Variants in MOB1A observed in about 807,000 individuals in gnomAD.
MOB1A encodes the protein MOB kinase activator 1A, also known as MOB1 Mps One Binder homolog A.
In MOB1A, 10 loss-of-function variants were observed where a neutral mutation model predicts 25.1. That is an observed-to-expected ratio of 0.40 (90% CI 0.25 to 0.68). The LOEUF (loss-of-function observed/expected upper bound fraction) is 0.68. Ranked by LOEUF, MOB1A falls within the 30% of genes least tolerant of loss-of-function variation. The pLI is 0.40. For synonymous variants in MOB1A, 81 were observed against 79.5 expected (o/e 1.02, Z -0.10); for missense variants, 177 against 256.3 (o/e 0.69, Z 2.11).
chr2:74,166,925 C>A, intron 3 of MOB1A, 89 bp downstream of exon 3: 1 of 939,430 alleles, frequency 1.1e-6, no homozygotes, highest in Non-Finnish European at 1.7e-6. Context: ...TTCACACAAA[C>A]GGATAACAAA....
At chr2:74,168,090 G>A (rs2103722586) in intron 2 of MOB1A, among the ~76,000 whole-genome samples, 1 of 152,350 alleles carries the variant, frequency 6.6e-6, no homozygotes, top group South Asian at 2.1e-4. Flanking sequence ...CGTGAGCTGT[G>A]ATGGTGCTAC....
chr2:74,160,568 G>A (rs1692938574), intron 4 of MOB1A, among the ~76,000 whole-genome samples: 1 of 151,838 alleles, frequency 6.6e-6, no homozygotes, highest in Non-Finnish European at 1.5e-5. Flanking sequence ...AGGGGTGGTG[G>A]CAGGCAACTG....
At chr2:74,169,053 T>C (rs1693209835) in intron 2 of MOB1A, among the ~76,000 whole-genome samples, 1 of 152,200 alleles carries the variant, frequency 6.6e-6, no homozygotes, top group Non-Finnish European at 1.5e-5. Context: ...GAAACGGATA[T>C]AAGAATCCAG....
In MOB1A at chr2:74,154,439, A is replaced by C. The variant is rs918033626; in HGVS notation, c.*2129T>G. The stretch of plus-strand genomic sequence containing the variant: ...AAAAAGGACAGTCTTGAGTCTCAAA[A>C]TACCAACACATCTCTGATTTATGTC... On this transcript the variant is annotated 3_prime_UTR_variant, in exon 6 of 6. Coordinates refer to ENST00000396049, the MANE Select transcript of MOB1A (RefSeq NM_018221.5). The C allele has an allele frequency of 1.3e-5, 2 of 152,212 alleles. No homozygotes were observed. The highest frequency in any genetic ancestry group is 6.5e-5 in the Admixed American group (1 of 15,276). 9.4% of individuals were successfully genotyped at this position (152,212 alleles called of 1,614,324 possible). A position where few individuals can be genotyped will look rare whatever the true frequency, so the allele number is the denominator to read the frequency against.
At chr2:74,177,026 C>T (rs1693493814) in intron 1 of MOB1A, among the ~76,000 whole-genome samples, 1 of 152,212 alleles carries the variant, frequency 6.6e-6, no homozygotes, top group South Asian at 2.1e-4. Flanking sequence ...GCGGGAACAA[C>T]TCAAGTGTCC....
rs139089861 is a variant in MOB1A, at chr2:74,162,525, T to C, written c.409+2693A>G. ...AAGAGGATAAATCAAAAGAATTATT[T>C]ACCTTCCATAAGCAGAGACTTTAAT... On this transcript the variant is annotated intron_variant, in intron 4 of 5. Coordinates refer to ENST00000396049, the MANE Select transcript of MOB1A (RefSeq NM_018221.5). Among the ~76,000 whole-genome samples, 557 of 152,218 alleles carry C rather than the reference T, an allele frequency of 3.7e-3. 2 individuals carry two copies. The highest frequency in any genetic ancestry group is 5.3e-3 in the Non-Finnish European group (363 of 68,018).
At chr2:74,174,327 C>G (rs1024733486) in intron 1 of MOB1A, among the ~76,000 whole-genome samples, 1 of 151,088 alleles carries the variant, frequency 6.6e-6, no homozygotes, top group Non-Finnish European at 1.5e-5. Flanking sequence ...CAAGTGCAGT[C>G]GCTCACACCT....
chr2:74,167,365 C>T (rs966171181), intron 2 of MOB1A, among the ~76,000 whole-genome samples: 2 of 152,282 alleles, frequency 1.3e-5, no homozygotes, highest in Non-Finnish European at 1.5e-5. Flanking sequence ...CCTGCCTCAG[C>T]CTCCCAAGTA....
intron 4 of MOB1A, chr2:74,164,947 G>T: frequency 5.1e-6 from 1 of 196,062 alleles, no homozygotes; most frequent in Admixed American, 6.0e-5. Flanking sequence ...GGGAGTACAT[G>T]TTGGTACAAA....
chr2:74,170,783 C>T (rs1015977945), intron 2 of MOB1A, among the ~76,000 whole-genome samples: 4 of 150,308 alleles, frequency 2.7e-5, no homozygotes, highest in South Asian at 2.1e-4. Context: ...CCCAGCTACT[C>T]GGACGGGTGA....
At position 74,156,477 on chromosome 2, in the gene MOB1A, A is replaced by G. The variant is rs1692810411; in HGVS notation, c.*91T>C. 1.0e-6 allele frequency: 1 copy of G among 954,078 alleles called. No individual in the cohort carries two copies. Among genetic ancestry groups the G allele is most frequent in the Non-Finnish European group, 1.6e-6 (1 of 614,350 alleles). The allele number at this position is 954,078 out of a possible 1,614,324, so 59.1% of individuals were successfully genotyped here. A position where few individuals can be genotyped will look rare whatever the true frequency, so the allele number is the denominator to read the frequency against. On this transcript the variant is annotated 3_prime_UTR_variant, in exon 6 of 6. Coordinates refer to ENST00000396049, the MANE Select transcript of MOB1A (RefSeq NM_018221.5). ...GGGTATCTTTTTATCCTGTTTTCTT[A>G]AAGTTTGTATCACTAGTCTATAACA...
intron 4 of MOB1A, 69 bp from the exon 5 acceptor site, chr2:74,159,323 A>AAAGT: frequency 2.1e-6 from 3 of 1,409,644 alleles, no homozygotes; most frequent in African/African-American, 1.4e-5. Flanking sequence ...TATTTGTGAC[A>AAAGT]GGGTCTCACT....
chr2:74,173,313 T>C, intron 1 of MOB1A: 1 of 459,384 alleles, frequency 2.2e-6, no homozygotes, highest in South Asian at 1.6e-5. Context: ...TGGATTTTAG[T>C]TCTTGATCTG....
intron 3 of MOB1A, 87 bp downstream of exon 3, chr2:74,166,927 G>C (rs1693145457): frequency 1.0e-6 from 1 of 959,894 alleles, no homozygotes; most frequent in Admixed American, 2.1e-5. Context: ...CACACAAACG[G>C]ATAACAAATC....
rs901292911 is a variant in MOB1A, at chr2:74,156,505, T to G, written c.*63A>C. On this transcript the variant is annotated 3_prime_UTR_variant, in exon 6 of 6. Transcript: ENST00000396049. The stretch of plus-strand genomic sequence containing the variant: ...GTTTGTATCACTAGTCTATAACAGA[T>G]AGCAATGAGATAGTTCTAGCAATAG... 5.1e-6 allele frequency: 6 copies of G among 1,167,664 alleles called. No individual in the cohort carries two copies. Among genetic ancestry groups the G allele is most frequent in the Non-Finnish European group, 7.5e-6 (6 of 798,138 alleles). 72.3% of individuals were successfully genotyped at this position (1,167,664 alleles called of 1,614,324 possible). A position where few individuals can be genotyped will look rare whatever the true frequency, so the allele number is the denominator to read the frequency against.
intron 5 of MOB1A, among the ~76,000 whole-genome samples, 195 bp downstream of exon 5, chr2:74,158,896 A>C (rs2103692101): frequency 6.6e-6 from 1 of 152,322 alleles, no homozygotes; most frequent in South Asian, 2.1e-4. Flanking sequence ...GAAGGCCCAA[A>C]TGGGGGTGAT....
chr2:74,165,097 A>G (rs1196851073), intron 4 of MOB1A, 121 bp downstream of exon 4: 3 of 619,808 alleles, frequency 4.8e-6, no homozygotes, highest in Non-Finnish European at 7.5e-6. Context: ...AGGCAGGAGG[A>G]TCACTTGAGG....
intron 2 of MOB1A, among the ~76,000 whole-genome samples, chr2:74,171,352 T>G (rs756289655): frequency 1.5e-4 from 23 of 152,214 alleles, no homozygotes; most frequent in African/African-American, 4.6e-4. Context: ...ATGAAAAATG[T>G]GAACACTGAC....
At chr2:74,158,202 GAA>G (rs11394713) in intron 5 of MOB1A, among the ~76,000 whole-genome samples, 8 of 135,978 alleles carry the variant, frequency 5.9e-5, no homozygotes, top group African/African-American at 2.2e-4. Flanking sequence ...AAAGAGGGGG[GAA>G]AAAAAAAAAA....
Sources: allele counts gnomAD v4.1 joint callset (sites outside exome capture counted in the v4.1 genomes callset), GRCh38; gene constraint gnomAD v4.1.1; transcripts MANE v1.5; gene names NCBI Gene and HGNC (gene_info 2026-07-23, HGNC 2026-07-21).